ST3GAL2: variants seen among roughly 807,000 people sequenced by gnomAD.
ST3GAL2 encodes the protein CMP-N-acetylneuraminate-beta-galactosamide-alpha-2,3-sialyltransferase 2.
A neutral mutation model predicts 37.5 loss-of-function variants in ST3GAL2; 16 were observed. The observed-to-expected ratio is 0.43, with a 90% confidence interval of 0.29 to 0.65. The LOEUF (loss-of-function observed/expected upper bound fraction) is 0.65. Ranked by LOEUF, ST3GAL2 falls within the 30% of genes least tolerant of loss-of-function variation. ST3GAL2 has a pLI of 0.17. For synonymous variants in ST3GAL2, 238 were observed against 202.9 expected, an observed-to-expected ratio of 1.17 and a Z score of -1.47; for missense variants, 383 against 487.8, an observed-to-expected ratio of 0.79 and a Z score of 2.02.
Position 70,398,212 on chromosome 16 carries a change from C to T in ST3GAL2, c.319G>A (p.Asp107Asn), listed in dbSNP as rs768920089. The part of the protein sequence containing the change: ...WTRENMDLPP[D>N]VQRWWMMLQP... ...CTTACCATCCACCACCTCTGGACGT[C>T]CGGTGGAAGATCCATGTTCTCTCGG... The change falls in exon 2 of 7, where the codon GAC (aspartate) becomes AAC (asparagine). Residue 107 changes from aspartate (D) to asparagine (N), a missense_variant. Coordinates refer to ENST00000342907, the MANE Select transcript of ST3GAL2 (RefSeq NM_006927.4). The T allele has an allele frequency of 1.9e-6, 3 of 1,613,154 alleles. No individual in the cohort carries two copies. The East Asian group carries it at 6.7e-5, about 36-fold the overall frequency.
intron 1 of ST3GAL2, among the ~76,000 whole-genome samples, chr16:70,418,026 T>G (rs1216765846): frequency 3.3e-5 from 5 of 152,180 alleles, no homozygotes; most frequent in African/African-American, 1.2e-4. Context: ...ACACCGTAGA[T>G]GTATAATAAG....
chr16:70,386,837 G>T (rs1040363601), intron 4 of ST3GAL2, among the ~76,000 whole-genome samples: 1 of 152,100 alleles, frequency 6.6e-6, no homozygotes, highest in Non-Finnish European at 1.5e-5. Context: ...GTACAGATGA[G>T]GTTTCACCAT....
chr16:70,390,861 C>CT (rs987012156), intron 3 of ST3GAL2, among the ~76,000 whole-genome samples: 5 of 151,650 alleles, frequency 3.3e-5, no homozygotes, highest in Admixed American at 2.0e-4. Context: ...ACCTGTTGGT[C>CT]TTTTTTTTTC....
intron 1 of ST3GAL2, among the ~76,000 whole-genome samples, chr16:70,438,418 T>C (rs2151684063): frequency 6.6e-6 from 1 of 151,722 alleles, no homozygotes; most frequent in Non-Finnish European, 1.5e-5. Flanking sequence ...TTCCCCAAAG[T>C]AGGAAGGTCG....
intron 4 of ST3GAL2, among the ~76,000 whole-genome samples, chr16:70,384,824 A>C (rs1046806834): frequency 6.6e-6 from 1 of 150,430 alleles, no homozygotes; most frequent in Non-Finnish European, 1.5e-5. Flanking sequence ...CAGGGGTTCA[A>C]CACCAGCCTG....
At chr16:70,383,625 A>G (rs565259939) in intron 4 of ST3GAL2, among the ~76,000 whole-genome samples, 68 of 149,554 alleles carry the variant, frequency 4.5e-4, no homozygotes, top group African/African-American at 1.7e-3. Flanking sequence ...GGGAAAGGAG[A>G]AAGGAAAAGA....
At chr16:70,382,449 A>AT (rs1429069081) in intron 6 of ST3GAL2, among the ~76,000 whole-genome samples, 2 of 151,782 alleles carry the variant, frequency 1.3e-5, no homozygotes, top group Non-Finnish European at 2.9e-5. Flanking sequence ...CGCCTGGCTA[A>AT]TTTTTTGTAC....
At position 70,381,632 on chromosome 16, in the gene ST3GAL2, C is replaced by A; in HGVS notation, c.*57G>T. ...GTCGCGGGTTGCTGGTCCTGGGTCC[C>A]GGGCCGGAGCCCCGGTGCCCGATAG... On this transcript the variant is annotated 3_prime_UTR_variant, in exon 7 of 7. Coordinates refer to ENST00000342907, the MANE Select transcript of ST3GAL2 (RefSeq NM_006927.4). 3 of 1,584,260 alleles carry A rather than the reference C, an allele frequency of 1.9e-6. No homozygotes were observed. Among genetic ancestry groups the A allele is most frequent in the Non-Finnish European group, 1.7e-6 (2 of 1,166,056 alleles).
In ST3GAL2 at chr16:70,398,234, T is replaced by C; in HGVS notation, c.297A>G (p.Arg99=). 2.5e-6 allele frequency: 4 copies of C among 1,613,416 alleles called. No homozygotes were observed. Among genetic ancestry groups the C allele is most frequent in the Non-Finnish European group, 3.4e-6 (4 of 1,180,026 alleles). ...CGTCCGGTGGAAGATCCATGTTCTC[T>C]CGGGTCCAGACGGGGGAAATGTTAC... ...FDGNISPVWT[R]ENMDLPPDVQ... The change falls in exon 2 of 7, where the codon CGA becomes CGG. Residue 99 remains arginine, a synonymous_variant. Coordinates refer to ENST00000342907, the MANE Select transcript of ST3GAL2 (RefSeq NM_006927.4).
chr16:70,410,808 GTT>G lies in ST3GAL2; in HGVS notation c.-1003-11277_-1003-11276del, dbSNP rs35994886. 4.5e-3 allele frequency among the ~76,000 whole-genome samples: 464 copies of G among 103,158 alleles called. 1 individual carries two copies. The highest frequency in any genetic ancestry group is 6.1e-3 in the Non-Finnish European group (321 of 52,656). The allele number at this position is 103,158 out of a possible 152,430, so 67.7% of individuals were successfully genotyped here. Reference sequence around the variant, plus strand: ...AAAATTAAAAGCCCATTTAGATCCTGTTTTTTTTTTTTTTTTTTGTCTCTGTG... The same window carrying G: ...AAAATTAAAAGCCCATTTAGATCCTGTTTTTTTTTTTTTTTTGTCTCTGTG... On this transcript the variant is annotated intron_variant, in intron 1 of 6. Coordinates refer to ENST00000342907, the MANE Select transcript of ST3GAL2 (RefSeq NM_006927.4).
intron 6 of ST3GAL2, among the ~76,000 whole-genome samples, chr16:70,382,234 T>C (rs1410988191): frequency 6.6e-6 from 1 of 151,994 alleles, no homozygotes; most frequent in African/African-American, 2.4e-5. Context: ...GTGGGGGCAG[T>C]CGTCCAGCTG....
intron 1 of ST3GAL2, among the ~76,000 whole-genome samples, chr16:70,423,963 C>T (rs112942665): frequency 0.01 from 1,566 of 151,580 alleles, 13 homozygotes; most frequent in South Asian, 0.02. Context: ...GAGGCTGAGG[C>T]GGGAAAATGG....
rs1196497931 is a variant in ST3GAL2 at position 70,381,542 on chromosome 16, C to T, written c.*147G>A. ...CCGCAGCGCAGATTGGTGCCAGGCC[C>T]GGCCGGTCCCCCAGTCTCGTGATTG... On this transcript the variant is annotated 3_prime_UTR_variant, in exon 7 of 7. Transcript: ENST00000342907. 10 of 966,328 alleles carry T rather than the reference C, an allele frequency of 1.0e-5. No homozygotes were observed. The East Asian group carries it at 2.1e-4, about 21-fold the overall frequency. The allele number at this position is 966,328 out of a possible 1,614,324, so 59.9% of individuals were successfully genotyped here.
chr16:70,406,743 C>T (rs1365351839), intron 1 of ST3GAL2, among the ~76,000 whole-genome samples: 6 of 150,364 alleles, frequency 4.0e-5, no homozygotes, highest in African/African-American at 9.8e-5. Flanking sequence ...ATCGTGCCAC[C>T]GCACTCCAGC....
intron 1 of ST3GAL2, among the ~76,000 whole-genome samples, chr16:70,433,765 T>C (rs1444233743): frequency 6.6e-6 from 1 of 152,230 alleles, no homozygotes; most frequent in Non-Finnish European, 1.5e-5. Flanking sequence ...TTCCCACAGC[T>C]TTCCAAGGAA....
chr16:70,404,745 G>C (rs1382884721), intron 1 of ST3GAL2, among the ~76,000 whole-genome samples: 1 of 152,056 alleles, frequency 6.6e-6, no homozygotes, highest in East Asian at 1.9e-4. Flanking sequence ...ATAAAAACTT[G>C]TACACATGGC....
intron 1 of ST3GAL2, chr16:70,400,583 G>A (rs1476437132): frequency 1.3e-5 from 2 of 152,264 alleles, no homozygotes; most frequent in South Asian, 2.1e-4. Flanking sequence ...TTCAAGAAAC[G>A]TAGCTGCCCC....
rs2047372477 is a variant in ST3GAL2, at chr16:70,378,852, G to A, written c.*2837C>T. The A allele has an allele frequency of 6.6e-6, 1 of 151,952 alleles. No individual in the cohort carries two copies. The highest frequency in any genetic ancestry group is 1.5e-5 in the Non-Finnish European group (1 of 68,024). 9.4% of individuals were successfully genotyped at this position (151,952 alleles called of 1,614,324 possible). ...CTCTACTAAAAATATAAAATTATCC[G>A]GGAGTGGTGGTGCATGCCTGTAATC... On this transcript the variant is annotated 3_prime_UTR_variant, in exon 7 of 7. Coordinates refer to ENST00000342907, the MANE Select transcript of ST3GAL2 (RefSeq NM_006927.4).
chr16:70,382,956 G>A (rs777875294), intron 5 of ST3GAL2, 32 bp from the exon 6 acceptor site: 11 of 1,607,700 alleles, frequency 6.8e-6, no homozygotes, highest in Non-Finnish European at 8.5e-6. Flanking sequence ...GGTATATGAG[G>A]GGTTTAGGGG....
Sources: gnomAD v4.1 joint callset for allele counts (sites outside exome capture counted in the v4.1 genomes callset) on GRCh38, gnomAD v4.1.1 for gene constraint, MANE v1.5 for transcripts, NCBI Gene and HGNC (gene_info 2026-07-23, HGNC 2026-07-21) for gene names.